ADAM28: variants seen among roughly 807,000 people sequenced by gnomAD.
ADAM28 encodes the protein disintegrin and metalloproteinase domain-containing protein 28.
ADAM28 carries 105 observed loss-of-function variants against 101.2 expected under a neutral mutation model. The ratio of observed to expected loss-of-function variants is 1.04; its 90% confidence interval spans 0.89 to 1.22. The LOEUF (loss-of-function observed/expected upper bound fraction) is 1.22, where lower values mean the gene tolerates loss of function less well. Ranked by LOEUF, ADAM28 falls within the 50% of genes most tolerant of loss-of-function variation. The pLI is 0.00. For synonymous variants in ADAM28, 322 were observed against 310.6 expected, an observed-to-expected ratio of 1.04 and a Z score of -0.39; for missense variants, 1,028 against 945.4, an observed-to-expected ratio of 1.09 and a Z score of -1.15.
intron 6 of ADAM28, among the ~76,000 whole-genome samples, chr8:24,316,795 A>C (rs555941587): frequency 6.8e-4 from 104 of 152,142 alleles, no homozygotes; most frequent in African/African-American, 2.5e-3. Context: ...TTGCAGATGA[A>C]ATGATTCTAC....
chr8:24,325,041 A>AG (rs893895595), intron 9 of ADAM28: 2 of 152,048 alleles, frequency 1.3e-5, no homozygotes, highest in Non-Finnish European at 2.9e-5. Context: ...TGGTTCATTG[A>AG]GGGGGTCACC....
chr8:24,349,693 TTAATA>T (rs1328846526), intron 18 of ADAM28, among the ~76,000 whole-genome samples, 166 bp from the exon 19 acceptor site: 2 of 152,170 alleles, frequency 1.3e-5, no homozygotes, highest in African/African-American at 4.8e-5. Context: ...CTACCTAATA[TTAATA>T]TAATTATCCT....
At position 24,335,491 on chromosome 8, in the gene ADAM28, G is replaced by A. The variant is rs1223900411; in HGVS notation, c.1417G>A (p.Asp473Asn). ...GTGCAGACCAGCAAAAGATGAGTGC[G>A]ACCTGCCTGAAATGTGTAATGGTAA... Reference protein sequence around the residue: ...MVCRPAKDECDLPEMCNGKSG... With the variant: ...MVCRPAKDECNLPEMCNGKSG... Residue 473 changes from aspartate to asparagine, a missense_variant, in exon 14 of 23, where the codon GAC (aspartate) becomes AAC (asparagine). Transcript: ENST00000265769. 6.2e-6 allele frequency: 10 copies of A among 1,613,990 alleles called. No homozygotes were observed. Among genetic ancestry groups the A allele is most frequent in the Admixed American group, 3.3e-5 (2 of 60,010 alleles).
chr8:24,301,909 AT>A (rs1808832608), intron 2 of ADAM28, among the ~76,000 whole-genome samples: 1 of 151,796 alleles, frequency 6.6e-6, no homozygotes, highest in Non-Finnish European at 1.5e-5. Flanking sequence ...CATCAGCTGA[AT>A]TTTTTTTCTA....
At chr8:24,294,898 G>A (rs1807758959) in intron 1 of ADAM28, among the ~76,000 whole-genome samples, 1 of 152,138 alleles carries the variant, frequency 6.6e-6, no homozygotes, top group Non-Finnish European at 1.5e-5. Flanking sequence ...TTAGACTTTG[G>A]TTAAATTAGA....
rs367907463 is a variant in ADAM28 at position 24,313,553 on chromosome 8, C to G, written c.549C>G (p.Asn183Lys). Residue 183 changes from asparagine to lysine, a missense_variant, in exon 6 of 23, where the codon AAC (asparagine) becomes AAG (lysine). Transcript: ENST00000265769. ...TGTGGGCCCACGATTTGCAGCAGAACATTGCCCTACCTGCCACCAAACTAG... is the reference window on the plus strand; with the variant it reads ...TGTGGGCCCACGATTTGCAGCAGAAGATTGCCCTACCTGCCACCAAACTAG... ...GVLWAHDLQQ[N>K]IALPATKLVK... The G allele has an allele frequency of 7.0e-5, 113 of 1,613,556 alleles. No homozygotes were observed. Among genetic ancestry groups the G allele is most frequent in the Non-Finnish European group, 9.3e-5 (110 of 1,179,764 alleles).
chr8:24,294,457 A>G (rs549238094), intron 1 of ADAM28, among the ~76,000 whole-genome samples: 2 of 152,304 alleles, frequency 1.3e-5, no homozygotes, highest in East Asian at 1.9e-4. Context: ...AAAAGGGACA[A>G]TTTCATACAG....
chr8:24,313,266 G>T, intron 5 of ADAM28, 122 bp from the exon 6 acceptor site: 2 of 844,922 alleles, frequency 2.4e-6, no homozygotes, highest in Non-Finnish European at 3.5e-6. Context: ...TTATTGCCAT[G>T]AGCTTAAATT....
At chr8:24,342,956 G>A (rs1585715383) in intron 16 of ADAM28, 145 bp from the exon 17 acceptor site, 2 of 1,425,452 alleles carry the variant, frequency 1.4e-6, no homozygotes, top group South Asian at 1.5e-5. Flanking sequence ...GTAAGCAACA[G>A]AGCCCGTCTC....
At chr8:24,303,477 C>T (rs557365592) in intron 2 of ADAM28, among the ~76,000 whole-genome samples, 1 of 152,252 alleles carries the variant, frequency 6.6e-6, no homozygotes, top group South Asian at 2.1e-4. Context: ...TTTCTGACCT[C>T]TCTATCCATT....
intron 8 of ADAM28, among the ~76,000 whole-genome samples, chr8:24,321,833 A>G (rs992018631): frequency 3.3e-5 from 5 of 152,008 alleles, no homozygotes; most frequent in African/African-American, 1.2e-4. Flanking sequence ...CATTTGAGTC[A>G]TGCAACTATT....
chr8:24,318,882 C>G (rs376350572), intron 6 of ADAM28, among the ~76,000 whole-genome samples: 2 of 152,134 alleles, frequency 1.3e-5, no homozygotes, highest in East Asian at 3.9e-4. Context: ...GCAGAATCCA[C>G]ACTCCACACA....
intron 13 of ADAM28, 102 bp from the exon 14 acceptor site, chr8:24,335,344 T>TA (rs1813883052): frequency 6.9e-7 from 1 of 1,444,576 alleles, no homozygotes; most frequent in African/African-American, 1.4e-5. Context: ...CTCCAACTAC[T>TA]ATGCCCAAAA....
At chr8:24,325,656 TA>T (rs1812440487) in intron 9 of ADAM28, among the ~76,000 whole-genome samples, 1 of 151,726 alleles carries the variant, frequency 6.6e-6, no homozygotes, top group South Asian at 2.1e-4. Context: ...GAAATCAGAT[TA>T]AATAGATAAA....
intron 8 of ADAM28, among the ~76,000 whole-genome samples, chr8:24,323,395 T>A (rs922489028): frequency 6.6e-6 from 1 of 151,946 alleles, no homozygotes; most frequent in Non-Finnish European, 1.5e-5. Context: ...CAACATTTCA[T>A]CATATCAAGT....
chr8:24,316,164 A>C (rs1318732594), intron 6 of ADAM28, among the ~76,000 whole-genome samples: 1 of 151,770 alleles, frequency 6.6e-6, no homozygotes, highest in East Asian at 1.9e-4. Flanking sequence ...GATTTAGGAT[A>C]TTTGTAAACA....
chr8:24,309,867 C>T lies in ADAM28; in HGVS notation c.151-27C>T, dbSNP rs370000949. On this transcript the variant is annotated intron_variant, in intron 2 of 22. Coordinates refer to ENST00000265769, the MANE Select transcript of ADAM28 (RefSeq NM_014265.6). ...AGTCAAATGAATATGTTTTTAATTA[C>T]AAGTAAATGTTTGTGTATTTTTGCA... 13 of 1,424,876 alleles carry T rather than the reference C, an allele frequency of 9.1e-6. No homozygotes were observed. In the African/African-American group the frequency reaches 1.9e-4, roughly 20 times the overall value. 88.3% of individuals were successfully genotyped at this position (1,424,876 alleles called of 1,614,324 possible). A position where few individuals can be genotyped will look rare whatever the true frequency, so the allele number is the denominator to read the frequency against.
chr8:24,338,539 T>A (rs1814374668), intron 14 of ADAM28, among the ~76,000 whole-genome samples: 1 of 152,006 alleles, frequency 6.6e-6, no homozygotes, highest in Non-Finnish European at 1.5e-5. Flanking sequence ...GATATTGTAT[T>A]ATAATAAAAC....
At chr8:24,299,116 C>T (rs890606801) in intron 1 of ADAM28, among the ~76,000 whole-genome samples, 4 of 152,102 alleles carry the variant, frequency 2.6e-5, no homozygotes, top group Non-Finnish European at 5.9e-5. Flanking sequence ...TGGCTTGAGC[C>T]CAGGATGTTG....
Sources: allele counts gnomAD v4.1 joint callset (sites outside exome capture counted in the v4.1 genomes callset), GRCh38; gene constraint gnomAD v4.1.1; transcripts MANE v1.5; gene names NCBI Gene and HGNC (gene_info 2026-07-23, HGNC 2026-07-21).